The following DOCK5 variants were observed in gnomAD, a reference collection of about 807,000 sequenced individuals.
DOCK5 encodes the protein dedicator of cytokinesis 5.
In DOCK5, 142 loss-of-function variants were observed where a neutral mutation model predicts 251.8. The observed-to-expected ratio is 0.56, with a 90% CI of 0.49 to 0.65. The LOEUF (loss-of-function observed/expected upper bound fraction) is 0.65. DOCK5 is among the 30% of genes least tolerant of loss of function. The pLI is 0.00. For synonymous variants in DOCK5, 842 were observed against 835.5 expected (o/e 1.01, Z -0.13); for missense variants, 2,111 against 2,312.3 (o/e 0.91, Z 1.79).
intron 1 of DOCK5, among the ~76,000 whole-genome samples, chr8:25,206,710 T>C (rs1402712451): frequency 6.6e-6 from 1 of 152,232 alleles, no homozygotes; most frequent in Non-Finnish European, 1.5e-5. Context: ...GGCCATTCCG[T>C]AGCCTGGACA....
chr8:25,276,068 G>A (rs1156410591), intron 4 of DOCK5, among the ~76,000 whole-genome samples: 2 of 152,068 alleles, frequency 1.3e-5, no homozygotes, highest in Admixed American at 6.5e-5. Flanking sequence ...GTGTGTGTGC[G>A]TGTGTGTATG....
intron 21 of DOCK5, among the ~76,000 whole-genome samples, chr8:25,334,406 G>T (rs1156850374): frequency 6.6e-6 from 1 of 152,142 alleles, no homozygotes; most frequent in Non-Finnish European, 1.5e-5. Flanking sequence ...CTTCATTCTG[G>T]ATCAGGCGAA....
chr8:25,403,603 G>A lies in DOCK5; in HGVS notation c.4972G>A (p.Val1658Met), dbSNP rs1264744023. ...ERKQSRTGSI[V>M]LPYIMSSTLR... ...GAAGCAAAGCCGCACGGGGTCTATT[G>A]TGCTCCCCTACATCATGTCTTCCAC... Residue 1658 changes from valine (V) to methionine (M), a missense_variant, in exon 48 of 52, where the codon GTG becomes ATG. By Grantham distance (21) the Val-to-Met change is conservative. This residue lies in a region of DOCK5 where 1,717 missense variants were observed against 1,892.4 expected (regional missense o/e 0.91). Transcript: ENST00000276440. The A allele has an allele frequency of 1.2e-6, 2 of 1,613,810 alleles. No individual in the cohort carries two copies. The highest frequency in any genetic ancestry group is 2.2e-5 in the East Asian group (1 of 44,888).
chr8:25,282,845 TTCTC>T (rs1456976264), intron 5 of DOCK5, among the ~76,000 whole-genome samples: 2 of 71,804 alleles, frequency 2.8e-5, no homozygotes, highest in Non-Finnish European at 5.0e-5. Context: ...GTAAGACCCT[TTCTC>T]AAAAAAAAAA....
At chr8:25,225,469 G>T (rs1802504656) in intron 1 of DOCK5, among the ~76,000 whole-genome samples, 1 of 152,156 alleles carries the variant, frequency 6.6e-6, no homozygotes, top group Non-Finnish European at 1.5e-5. Context: ...CACTTCGGGA[G>T]GCCAAGGCAG....
chr8:25,185,292 C>T (rs907379214), intron 1 of DOCK5, among the ~76,000 whole-genome samples: 11 of 152,296 alleles, frequency 7.2e-5, no homozygotes, highest in African/African-American at 2.2e-4. Flanking sequence ...TGGCTCGCCC[C>T]GGTGCGCCCA....
In DOCK5 at chr8:25,384,971, A is replaced by G. The variant is rs182820984; in HGVS notation, c.4131+2193A>G. On this transcript the variant is annotated intron_variant, in intron 40 of 51. Coordinates refer to ENST00000276440, the MANE Select transcript of DOCK5 (RefSeq NM_024940.8). ...AAAAATCAGGAAAGACTTTCCAGGG[A>G]TCCTCTGTTTCAGCTGCAACCTGAA... Among the ~76,000 whole-genome samples, 1,009 of 152,278 alleles carry G rather than the reference A, an allele frequency of 6.6e-3. 5 individuals carry two copies. Among genetic ancestry groups the G allele is most frequent in the South Asian group, 0.015 (70 of 4,822 alleles).
At chr8:25,278,368 A>G (rs1379893398) in intron 4 of DOCK5, among the ~76,000 whole-genome samples, 1 of 152,122 alleles carries the variant, frequency 6.6e-6, no homozygotes, top group Non-Finnish European at 1.5e-5. Context: ...GCAGGAACGG[A>G]GCCCATTTTG....
intron 3 of DOCK5, among the ~76,000 whole-genome samples, chr8:25,273,598 G>A (rs1244015451): frequency 6.6e-6 from 1 of 152,228 alleles, no homozygotes; most frequent in African/African-American, 2.4e-5. Flanking sequence ...GCAAGACTCT[G>A]TCTCAAAGAA....
intron 1 of DOCK5, among the ~76,000 whole-genome samples, chr8:25,205,005 C>T (rs932303419): frequency 6.6e-6 from 1 of 150,580 alleles, no homozygotes; most frequent in African/African-American, 2.4e-5. Context: ...ATGGTGGGGC[C>T]CTCATGAGGG....
intron 37 of DOCK5, chr8:25,376,837 T>G (rs1800971252): frequency 6.5e-6 from 1 of 152,838 alleles, no homozygotes; most frequent in African/African-American, 2.4e-5. Flanking sequence ...TCTCCGTGTA[T>G]CTGAAATAAA....
intron 27 of DOCK5, among the ~76,000 whole-genome samples, chr8:25,355,080 A>G (rs1332984656): frequency 6.6e-6 from 1 of 152,144 alleles, no homozygotes; most frequent in Admixed American, 6.5e-5. Flanking sequence ...CAAAAAAATT[A>G]AAAGTTAGCC....
intron 2 of DOCK5, among the ~76,000 whole-genome samples, chr8:25,264,607 A>G (rs747665927): frequency 1.1e-4 from 16 of 151,614 alleles, no homozygotes; most frequent in African/African-American, 2.4e-4. Flanking sequence ...TGGTGGATCA[A>G]TTGAGGTCAG....
chr8:25,307,317 C>A (rs368599496), intron 11 of DOCK5, among the ~76,000 whole-genome samples: 1 of 152,000 alleles, frequency 6.6e-6, no homozygotes, highest in Admixed American at 6.6e-5. Flanking sequence ...CGGGGTTTCA[C>A]CATGTTGGTC....
intron 1 of DOCK5, 90 bp downstream of exon 1, chr8:25,185,041 A>G: frequency 8.0e-7 from 1 of 1,245,678 alleles, no homozygotes; most frequent in Non-Finnish European, 1.0e-6. Flanking sequence ...AGCCCGGCGG[A>G]GGACCCTGGC....
intron 27 of DOCK5, among the ~76,000 whole-genome samples, chr8:25,353,569 ATT>A: frequency 6.8e-6 from 1 of 147,706 alleles, no homozygotes; most frequent in Non-Finnish European, 1.5e-5. Context: ...AGGAAATACT[ATT>A]TTTTTTTTTA....
chr8:25,336,984 G>C (rs1230255887), intron 22 of DOCK5, among the ~76,000 whole-genome samples: 1 of 151,990 alleles, frequency 6.6e-6, no homozygotes, highest in Non-Finnish European at 1.5e-5. Flanking sequence ...TTGTAGAATT[G>C]AGCATATGTA....
chr8:25,364,760 T>C (rs1800747374), intron 30 of DOCK5, 56 bp downstream of exon 30: 2 of 1,299,206 alleles, frequency 1.5e-6, no homozygotes, highest in East Asian at 2.5e-5. Context: ...GCAAGAGAAC[T>C]ATATGAATTT....
chr8:25,341,694 TG>T lies in DOCK5; in HGVS notation c.2440-44del, dbSNP rs761760177. 3.0e-5 allele frequency: 45 copies of T among 1,502,392 alleles called. No individual in the cohort carries two copies. In the Admixed American group the frequency reaches 4.3e-4, roughly 14 times the overall value. The allele number at this position is 1,502,392 out of a possible 1,614,324, so 93.1% of individuals were successfully genotyped here. ...GGGATCAAGCAGTAAATACTGTATT[TG>T]TCTTGCCTGGCAACTGAATTTGCCT... On this transcript the variant is annotated intron_variant, in intron 23 of 51. Transcript: ENST00000276440.
Sources: gnomAD v4.1 joint callset for allele counts (sites outside exome capture counted in the v4.1 genomes callset) on GRCh38, gnomAD v4.1.1 for gene constraint, gnomAD v4.1.1 regional missense constraint, MANE v1.5 for transcripts, NCBI Gene and HGNC (gene_info 2026-07-23, HGNC 2026-07-21) for gene names.